CSF1R: variants seen among roughly 807,000 people sequenced by gnomAD.
CSF1R encodes colony stimulating factor 1 receptor.
In CSF1R, 40 loss-of-function variants were observed where a neutral mutation model predicts 110.0. The observed-to-expected ratio is 0.36, with a 90% CI of 0.28 to 0.47. The LOEUF (loss-of-function observed/expected upper bound fraction) is 0.47. Among genes scored for constraint, CSF1R ranks in the 20% least tolerant of loss-of-function variants. CSF1R has a pLI of 0.99. For missense variants in CSF1R, 1,052 were observed against 1,253.0 expected, an observed-to-expected ratio of 0.84 and a Z score of 2.42; for synonymous variants, 523 against 503.4, an observed-to-expected ratio of 1.04 and a Z score of -0.52.
chr5:150,056,707 C>G (rs1167562469), intron 16 of CSF1R, among the ~76,000 whole-genome samples: 2 of 152,042 alleles, frequency 1.3e-5, no homozygotes, highest in Non-Finnish European at 2.9e-5. Context: ...AGGCCCTTCC[C>G]TAAACTCTGC....
chr5:150,067,583 A>G (rs1757829232), intron 10 of CSF1R, among the ~76,000 whole-genome samples: 1 of 152,260 alleles, frequency 6.6e-6, no homozygotes, highest in Non-Finnish European at 1.5e-5. Flanking sequence ...CGCAACATGC[A>G]CTAAATTGTG....
intron 1 of CSF1R, among the ~76,000 whole-genome samples, chr5:150,109,313 G>A (rs1759650563): frequency 6.6e-6 from 1 of 152,186 alleles, no homozygotes; most frequent in African/African-American, 2.4e-5. Flanking sequence ...GATCCGATGG[G>A]ACCACTGGTA....
chr5:150,093,278 C>T (rs1469740965), intron 1 of CSF1R, among the ~76,000 whole-genome samples: 2 of 152,120 alleles, frequency 1.3e-5, no homozygotes, highest in African/African-American at 4.8e-5. Context: ...AGGGTTTCAC[C>T]ATGTTGGCTA....
chr5:150,098,917 G>A (rs1210423808), intron 1 of CSF1R, among the ~76,000 whole-genome samples: 1 of 131,856 alleles, frequency 7.6e-6, no homozygotes, highest in Non-Finnish European at 1.6e-5. Flanking sequence ...TTTTGAGATA[G>A]AGTCTTGCTC....
At chr5:150,082,019 C>T (rs1758568195) in intron 1 of CSF1R, among the ~76,000 whole-genome samples, 1 of 152,214 alleles carries the variant, frequency 6.6e-6, no homozygotes, top group Non-Finnish European at 1.5e-5. Context: ...AGGCTCAGCC[C>T]CCGGTTTCCG....
In CSF1R at chr5:150,085,201, G is replaced by A. The variant is rs560879118; in HGVS notation, c.49+1178C>T. On this transcript the variant is annotated intron_variant, in intron 1 of 20. Coordinates refer to ENST00000675795, the MANE Select transcript of CSF1R (RefSeq NM_001288705.3). The stretch of plus-strand genomic sequence containing the variant: ...TGAGACAGGAGAAACACTTGAACCC[G>A]GGAGGTGGAGGTTGCAGTGAGCCGA... Among the ~76,000 whole-genome samples, 14 of 150,598 alleles carry A rather than the reference G, an allele frequency of 9.3e-5. No individual in the cohort carries two copies. In the East Asian group the frequency reaches 1.2e-3, roughly 13 times the overall value.
At chr5:150,080,711 C>T in intron 2 of CSF1R, 56 bp downstream of exon 2, 1 of 1,603,302 alleles carries the variant, frequency 6.2e-7, no homozygotes, top group Non-Finnish European at 8.5e-7. Context: ...TTTTAGGGCC[C>T]ATTGTAGTGG....
Position 150,070,553 on chromosome 5 carries a change from A to G in CSF1R, c.1101T>C (p.Ser367=). 6.5e-7 allele frequency: 1 copy of G among 1,540,992 alleles called. No homozygotes were observed. Among genetic ancestry groups the G allele is most frequent in the South Asian group, 1.2e-5 (1 of 81,812 alleles). ...CCTCAGAGGGCTTCAGGCGGGGCAGAGAGAGGGTGAAGGTGTGCCTGCAGG... is the reference window on the plus strand; with the variant it reads ...CCTCAGAGGGCTTCAGGCGGGGCAGGGAGAGGGTGAAGGTGTGCCTGCAGG... ...KDTYRHTFTL[S]LPRLKPSEAG... The change falls in exon 7 of 21, where the codon TCT becomes TCC. Residue 367 remains serine, a synonymous_variant. Transcript: ENST00000675795.
In CSF1R at chr5:150,073,347, G is replaced by T; in HGVS notation, c.1036C>A (p.Gln346Lys). 6.2e-7 allele frequency: 1 copy of T among 1,614,018 alleles called. No homozygotes were observed. The highest frequency in any genetic ancestry group is 1.7e-4 in the Middle Eastern group (1 of 6,048). The change falls in exon 6 of 21, where the codon CAG (glutamine) becomes AAG (lysine). Residue 346 changes from glutamine (Q) to lysine (K), a missense_variant. By Grantham distance (53) the Gln-to-Lys change is moderately conservative. Around this residue, in one of 5 missense-constraint regions of CSF1R, gnomAD observed 693 missense variants for 735.4 expected, o/e 0.94. Coordinates refer to ENST00000675795, the MANE Select transcript of CSF1R (RefSeq NM_001288705.3). ...GCATTAGCAAGCTTGGGCTCAGGCT[G>T]GTGGTCAGAAAAGGGTCCCAGGTAG... ...WTYLGPFSDH[Q>K]PEPKLANATT...
rs142435467 is a variant in CSF1R, at chr5:150,054,339, C to T, written c.2746G>A (p.Glu916Lys). Reference sequence around the variant, plus strand: ...CCACTCACCCGCTCTCTCCTGTCCTCTTGGGCCTGCTCCTGAAGGAAGGAG... The same window carrying T: ...CCACTCACCCGCTCTCTCCTGTCCTTTTGGGCCTGCTCCTGAAGGAAGGAG... ...ICSFLQEQAQ[E>K]DRRERDYTNL... The change falls in exon 20 of 21, where the codon GAG becomes AAG. Residue 916 changes from glutamate to lysine, a missense_variant. By Grantham distance (56) the Glu-to-Lys change is moderately conservative. Coordinates refer to ENST00000675795, the MANE Select transcript of CSF1R (RefSeq NM_001288705.3). The T allele has an allele frequency of 3.3e-4, 540 of 1,614,176 alleles. No individual in the cohort carries two copies. The highest frequency in any genetic ancestry group is 4.9e-4 in the Middle Eastern group (3 of 6,062).
intron 5 of CSF1R, among the ~76,000 whole-genome samples, chr5:150,075,770 A>G (rs1758234065): frequency 6.6e-6 from 1 of 152,146 alleles, no homozygotes; most frequent in Non-Finnish European, 1.5e-5. Flanking sequence ...TTCTTGAGTG[A>G]TGACTGTATG....
At chr5:150,062,939 A>G (rs1208229827) in intron 10 of CSF1R, among the ~76,000 whole-genome samples, 3 of 152,182 alleles carry the variant, frequency 2.0e-5, no homozygotes, top group Admixed American at 1.3e-4. Flanking sequence ...GAAGGCAGCC[A>G]TCATGGCTTG....
chr5:150,105,086 C>T (rs1300021109), intron 1 of CSF1R, among the ~76,000 whole-genome samples: 2 of 151,648 alleles, frequency 1.3e-5, no homozygotes, highest in Admixed American at 6.6e-5. Flanking sequence ...CAGTGGCTCA[C>T]ACCTATAATC....
intron 6 of CSF1R, among the ~76,000 whole-genome samples, 155 bp downstream of exon 6, chr5:150,073,143 GGAT>G (rs1425334178): frequency 6.6e-6 from 1 of 152,180 alleles, no homozygotes; most frequent in Non-Finnish European, 1.5e-5. Context: ...ACCAATATTG[GGAT>G]TCCATGAAGT....
intron 5 of CSF1R, among the ~76,000 whole-genome samples, chr5:150,076,144 C>T (rs1758248905): frequency 6.6e-6 from 1 of 152,200 alleles, no homozygotes; most frequent in South Asian, 2.1e-4. Context: ...TATCTCCTTT[C>T]TCTTCCTCAT....
chr5:150,098,937 A>C (rs1045980311), intron 1 of CSF1R, among the ~76,000 whole-genome samples: 1 of 137,146 alleles, frequency 7.3e-6, no homozygotes, highest in Non-Finnish European at 1.5e-5. Flanking sequence ...CTTGTCACCC[A>C]GGCTATAGTG....
At chr5:150,076,171 C>T (rs1211416678) in intron 5 of CSF1R, among the ~76,000 whole-genome samples, 1 of 149,062 alleles carries the variant, frequency 6.7e-6, no homozygotes, top group Non-Finnish European at 1.5e-5. Flanking sequence ...ATCTCAGACT[C>T]TTCCACACAC....
At chr5:150,083,302 T>C (rs1581327837) in intron 1 of CSF1R, among the ~76,000 whole-genome samples, 1 of 130,060 alleles carries the variant, frequency 7.7e-6, no homozygotes, top group African/African-American at 3.0e-5. Context: ...TGGAAGCCCC[T>C]CCCTCATCAC....
chr5:150,098,177 T>C (rs72832161), intron 1 of CSF1R, among the ~76,000 whole-genome samples: 2,719 of 152,228 alleles, frequency 0.018, 29 homozygotes, highest in Middle Eastern at 0.044. Flanking sequence ...AACAACTGGC[T>C]ATCCACATGC....
Sources: gnomAD v4.1 joint callset for allele counts (sites outside exome capture counted in the v4.1 genomes callset) on GRCh38, gnomAD v4.1.1 for gene constraint, gnomAD v4.1.1 regional missense constraint, MANE v1.5 for transcripts, NCBI Gene and HGNC (gene_info 2026-07-23, HGNC 2026-07-21) for gene names.